The following NID1 variants were observed in gnomAD, a reference collection of about 807,000 sequenced individuals.
NID1 encodes nidogen 1.
In NID1, 76 loss-of-function variants were observed where a neutral mutation model predicts 130.6. That is an observed-to-expected ratio of 0.58 (90% CI 0.48 to 0.70). The LOEUF (loss-of-function observed/expected upper bound fraction) is 0.70, where lower values mean the gene tolerates loss of function less well. Ranked by LOEUF, NID1 falls within the 30% of genes least tolerant of loss-of-function variation. The probability of loss-of-function intolerance (pLI) is 0.00; values close to 1 mark genes in which losing one functional copy is unlikely to be tolerated. For missense variants in NID1, 1,517 were observed against 1,664.8 expected (o/e 0.91, Z 1.54); for synonymous variants, 665 against 675.1 (o/e 0.98, Z 0.23).
chr1:235,997,324 T>G (rs2102804580), intron 12 of NID1, among the ~76,000 whole-genome samples: 1 of 152,168 alleles, frequency 6.6e-6, no homozygotes, highest in East Asian at 1.9e-4. Flanking sequence ...AATGAATGAG[T>G]GTGGCTTTCC....
At chr1:235,988,723 G>C (rs886648682) in intron 14 of NID1, among the ~76,000 whole-genome samples, 9 of 152,194 alleles carry the variant, frequency 5.9e-5, no homozygotes, top group Non-Finnish European at 1.2e-4. Context: ...CTACAATGTG[G>C]ATGAACCTGA....
chr1:236,040,367 G>A (rs567742606), intron 4 of NID1, among the ~76,000 whole-genome samples: 6 of 152,244 alleles, frequency 3.9e-5, no homozygotes, highest in African/African-American at 1.2e-4. Context: ...AAGTCAGCAC[G>A]CCAGCCAGTA....
chr1:236,045,545 T>A lies in NID1; in HGVS notation c.664A>T (p.Ser222Cys), dbSNP rs1405387539. 1 of 1,614,182 alleles carries A rather than the reference T, an allele frequency of 6.2e-7. No individual in the cohort carries two copies. Among genetic ancestry groups the A allele is most frequent in the Non-Finnish European group, 8.5e-7 (1 of 1,180,036 alleles). Residue 222 changes from serine to cysteine, a missense_variant, in exon 3 of 20, where the codon AGT becomes TGT. Ser to Cys is a moderately radical substitution (Grantham distance 112). Coordinates refer to ENST00000264187, the MANE Select transcript of NID1 (RefSeq NM_002508.3). ...NNQVPAVVAFSQGSVGFLWKS... is the reference protein window; with the variant it reads ...NNQVPAVVAFCQGSVGFLWKS... ...CATAAGAATCCCACTGAACCTTGAC[T>A]GAATGCAACCACGGCAGGAACTTGG...
Position 235,978,646 on chromosome 1 carries a change from CTTA to C in NID1, c.3622+346_3622+348del, listed in dbSNP as rs1214163026. ...AAGTGCCACACATATGTTTTCAATT[CTTA>C]TTATTAATTATTGTTATTGCTGTTA... On this transcript the variant is annotated intron_variant, in intron 19 of 19. Coordinates refer to ENST00000264187, the MANE Select transcript of NID1 (RefSeq NM_002508.3). Among the ~76,000 whole-genome samples the C allele has an allele frequency of 7.2e-5, 11 of 152,178 alleles. No individual in the cohort carries two copies. In the East Asian group the frequency reaches 9.6e-4, roughly 13 times the overall value.
chr1:236,026,159 T>C lies in NID1; in HGVS notation c.1739-18A>G. 4 of 1,612,068 alleles carry C rather than the reference T, an allele frequency of 2.5e-6. No individual in the cohort carries two copies. The highest frequency in any genetic ancestry group is 3.4e-6 in the Non-Finnish European group (4 of 1,178,848). On this transcript the variant is annotated intron_variant, in intron 7 of 19. Coordinates refer to ENST00000264187, the MANE Select transcript of NID1 (RefSeq NM_002508.3). ...AGTGATCACTGCAGAGTGGGAAGGA[T>C]GGAGGGGACAAGGCAGGGAGACAGA...
At chr1:235,985,778 T>A (rs1657558273) in intron 14 of NID1, among the ~76,000 whole-genome samples, 1 of 151,890 alleles carries the variant, frequency 6.6e-6, no homozygotes, top group Admixed American at 6.6e-5. Flanking sequence ...AAATATGTAT[T>A]TTTTGAGACA....
intron 1 of NID1, among the ~76,000 whole-genome samples, chr1:236,057,500 C>T (rs145947533): frequency 0.019 from 2,873 of 151,960 alleles, 70 homozygotes; most frequent in African/African-American, 0.063. Context: ...GAGGCTGAGG[C>T]GGGCGGATCA....
intron 1 of NID1, among the ~76,000 whole-genome samples, chr1:236,060,050 A>T (rs1329269771): frequency 6.6e-6 from 1 of 150,562 alleles, no homozygotes; most frequent in Non-Finnish European, 1.5e-5. Context: ...CAGTGAGCCG[A>T]CATCGTGCCA....
At chr1:236,005,955 T>C (rs1394318819) in intron 12 of NID1, among the ~76,000 whole-genome samples, 1 of 152,194 alleles carries the variant, frequency 6.6e-6, no homozygotes, top group African/African-American at 2.4e-5. Flanking sequence ...AATATAGTTA[T>C]GTCATGTGAA....
intron 11 of NID1, 91 bp downstream of exon 11, chr1:236,013,320 T>C (rs1412760565): frequency 1.5e-6 from 2 of 1,378,106 alleles, no homozygotes; most frequent in Non-Finnish European, 2.0e-6. Context: ...TTTCTTCTAT[T>C]TGGGAGTGAG....
chr1:236,020,196 C>T (rs1401800215), intron 9 of NID1, among the ~76,000 whole-genome samples: 2 of 152,160 alleles, frequency 1.3e-5, no homozygotes, highest in African/African-American at 4.8e-5. Flanking sequence ...TATTTAACAT[C>T]TGGTCAACCT....
chr1:236,025,671 G>C (rs1348437537), intron 8 of NID1, among the ~76,000 whole-genome samples: 1 of 152,214 alleles, frequency 6.6e-6, no homozygotes, highest in Non-Finnish European at 1.5e-5. Flanking sequence ...TTAGCATTCT[G>C]CACTTTACTT....
At chr1:236,064,834 G>C (rs1660147348) in intron 1 of NID1, 21 bp downstream of exon 1, 2 of 1,599,206 alleles carry the variant, frequency 1.3e-6, no homozygotes, top group African/African-American at 2.7e-5. Flanking sequence ...CCCCTCGCCC[G>C]CCCTCCCGGG....
In NID1 at chr1:236,029,614, C is replaced by G; in HGVS notation, c.1674G>C (p.Gln558His). 7 of 1,604,118 alleles carry G rather than the reference C, an allele frequency of 4.4e-6. No homozygotes were observed. Among genetic ancestry groups the G allele is most frequent in the Non-Finnish European group, 6.0e-6 (7 of 1,175,568 alleles). The change falls in exon 7 of 20, where the codon CAG (glutamine) becomes CAC (histidine). Residue 558 changes from glutamine to histidine, a missense_variant. Transcript: ENST00000264187. ...TGTGCACGGAGGAGCCGAACGGAAT[C>G]TGCGGCACGCGGCCCTCCAGCTCCG... ...IDTELEGRVPQIPFGSSVHIE... is the reference protein window; with the variant it reads ...IDTELEGRVPHIPFGSSVHIE...
chr1:236,020,278 T>C (rs1658725360), intron 9 of NID1, among the ~76,000 whole-genome samples: 1 of 152,182 alleles, frequency 6.6e-6, no homozygotes, highest in Non-Finnish European at 1.5e-5. Flanking sequence ...ATCATTCTTG[T>C]CATTGCTGCC....
rs200138338 is a variant in NID1 at position 236,011,895 on chromosome 1, C to G, written c.2527+26G>C. ...ATTCATGGACAGGGCAATGGGCTAC[C>G]GACTCCAGATGTCCCACCACCTTAC... On this transcript the variant is annotated intron_variant, in intron 12 of 19. Coordinates refer to ENST00000264187, the MANE Select transcript of NID1 (RefSeq NM_002508.3). 3 of 1,612,412 alleles carry G rather than the reference C, an allele frequency of 1.9e-6. No homozygotes were observed. The South Asian group carries it at 3.3e-5, about 18-fold the overall frequency.
intron 1 of NID1, among the ~76,000 whole-genome samples, chr1:236,057,646 C>T (rs1389988560): frequency 2.1e-5 from 3 of 145,860 alleles, no homozygotes. Flanking sequence ...TGCAGTGAGC[C>T]GAAATCTCGC....
Position 235,979,080 on chromosome 1 carries a change from T to G in NID1, c.3537A>C (p.Ala1179=), listed in dbSNP as rs1260097124. 15 of 1,613,984 alleles carry G rather than the reference T, an allele frequency of 9.3e-6. No homozygotes were observed. Among genetic ancestry groups the G allele is most frequent in the Non-Finnish European group, 1.2e-5 (14 of 1,179,908 alleles). Residue 1179 remains alanine (A), a synonymous_variant, in exon 19 of 20, where the codon GCA becomes GCC. Transcript: ENST00000264187. The surrounding 1 kb of genome is among the most constrained non-coding windows in gnomAD (Gnocchi z 4.6). ...KMNSVVALDL[A]ISKETDAFQP... The stretch of plus-strand genomic sequence containing the variant: ...GGAAAGCATCCGTCTCCTTGGAAAT[T>G]GCAAGATCGAGAGCAACCACGGAAT...
At chr1:235,992,689 T>C (rs992337012) in intron 13 of NID1, among the ~76,000 whole-genome samples, 3 of 152,186 alleles carry the variant, frequency 2.0e-5, no homozygotes, top group Non-Finnish European at 4.4e-5. Flanking sequence ...GACTTTCCTC[T>C]GGGCATCCTA....
Sources: allele counts gnomAD v4.1 joint callset (sites outside exome capture counted in the v4.1 genomes callset), GRCh38; gene constraint gnomAD v4.1.1; non-coding constraint Gnocchi (gnomAD v3.1); transcripts MANE v1.5; gene names NCBI Gene and HGNC (gene_info 2026-07-23, HGNC 2026-07-21).